The following SLC24A2 variants were observed in gnomAD, a reference collection of about 807,000 sequenced individuals.
SLC24A2 encodes the protein sodium/potassium/calcium exchanger 2.
A neutral mutation model predicts 62.0 loss-of-function variants in SLC24A2; 36 were observed. The ratio of observed to expected loss-of-function variants is 0.58; its 90% CI spans 0.44 to 0.77. SLC24A2 has a LOEUF of 0.77. Among genes scored for constraint, SLC24A2 ranks in the 30% least tolerant of loss-of-function variants. SLC24A2 has a pLI of 0.00. For synonymous variants in SLC24A2, 358 were observed against 294.0 expected (o/e 1.22, Z -2.23); for missense variants, 846 against 817.9 (o/e 1.03, Z -0.42).
chr9:19,984,631 A>G, the SLC24A2 span, among the ~76,000 whole-genome samples: 2 of 152,200 alleles, frequency 1.3e-5, no homozygotes, highest in East Asian at 3.8e-4. Flanking sequence ...TCTGGAACCC[A>G]GGAGGCAGAA....
the SLC24A2 span, among the ~76,000 whole-genome samples, chr9:20,237,878 G>C: frequency 6.6e-6 from 1 of 152,114 alleles, no homozygotes; most frequent in African/African-American, 2.4e-5. Flanking sequence ...CTAGTGTTGA[G>C]TCATCCATTT....
chr9:20,074,210 T>A, the SLC24A2 span, among the ~76,000 whole-genome samples: 1 of 152,014 alleles, frequency 6.6e-6, no homozygotes, highest in Non-Finnish European at 1.5e-5. Context: ...ATGCCAATAA[T>A]TTCCAGCAGG....
At chr9:20,297,772 A>C in the SLC24A2 span, among the ~76,000 whole-genome samples, 22 of 152,310 alleles carry the variant, frequency 1.4e-4, no homozygotes, top group Middle Eastern at 3.4e-3. Context: ...CCTCCCAACC[A>C]AACCTTTTTA....
At chr9:20,169,887 G>A in the SLC24A2 span, among the ~76,000 whole-genome samples, 1 of 151,968 alleles carries the variant, frequency 6.6e-6, no homozygotes, top group Non-Finnish European at 1.5e-5. Context: ...GGTAAAACAA[G>A]GAGGCACTAG....
the SLC24A2 span, among the ~76,000 whole-genome samples, chr9:20,085,197 C>A: frequency 0.014 from 2,174 of 152,210 alleles, 31 homozygotes; most frequent in South Asian, 0.063. Flanking sequence ...CATTATCTCC[C>A]TATGTTGCCC....
At chr9:20,116,958 T>G in the SLC24A2 span, among the ~76,000 whole-genome samples, 18 of 152,158 alleles carry the variant, frequency 1.2e-4, no homozygotes, top group African/African-American at 4.3e-4. Flanking sequence ...GCATACTAGC[T>G]TTCATCTTTT....
the SLC24A2 span, among the ~76,000 whole-genome samples, chr9:20,137,876 T>C: frequency 4.6e-5 from 7 of 152,278 alleles, no homozygotes; most frequent in South Asian, 1.5e-3. Context: ...TCACTCAATA[T>C]TGATGATAAC....
chr9:20,045,223 G>C, the SLC24A2 span, among the ~76,000 whole-genome samples: 1 of 152,162 alleles, frequency 6.6e-6, no homozygotes, highest in African/African-American at 2.4e-5. Context: ...TTGCAGCCTA[G>C]TGGGGAAGAC....
chr9:19,777,748 T>A (rs1342650354), intron 2 of SLC24A2, among the ~76,000 whole-genome samples: 1 of 152,172 alleles, frequency 6.6e-6, no homozygotes, highest in African/African-American at 2.4e-5. Flanking sequence ...TATGTGTATA[T>A]GAGAAGTTCA....
At chr9:19,959,022 A>T in the SLC24A2 span, among the ~76,000 whole-genome samples, 1 of 152,170 alleles carries the variant, frequency 6.6e-6, no homozygotes, top group Non-Finnish European at 1.5e-5. Context: ...AAGCTATAGC[A>T]ACCAGTGTTC....
At chr9:20,045,961 T>G in the SLC24A2 span, among the ~76,000 whole-genome samples, 1 of 152,094 alleles carries the variant, frequency 6.6e-6, no homozygotes, top group African/African-American at 2.4e-5. Flanking sequence ...GAACAACTAG[T>G]GCAAAGGACC....
At chr9:19,978,577 G>T in the SLC24A2 span, among the ~76,000 whole-genome samples, 1 of 151,642 alleles carries the variant, frequency 6.6e-6, no homozygotes, top group African/African-American at 2.4e-5. Flanking sequence ...AAAAATTCAA[G>T]GAAAGAAAAG....
the SLC24A2 span, among the ~76,000 whole-genome samples, chr9:19,911,902 CAT>C: frequency 6.6e-6 from 1 of 152,124 alleles, no homozygotes; most frequent in Non-Finnish European, 1.5e-5. Flanking sequence ...GTTAAACAAA[CAT>C]ATGTGGATAC....
chr9:19,524,789 T>C (rs1173744964), intron 9 of SLC24A2, among the ~76,000 whole-genome samples: 1 of 148,720 alleles, frequency 6.7e-6, no homozygotes, highest in African/African-American at 2.6e-5. Flanking sequence ...TGTGTTCCTT[T>C]TCTTTGAAAG....
chr9:19,551,904 G>C (rs889959867), intron 7 of SLC24A2, among the ~76,000 whole-genome samples: 2 of 152,140 alleles, frequency 1.3e-5, no homozygotes, highest in African/African-American at 4.8e-5. Flanking sequence ...TTAAAAAAGG[G>C]ATGCGAAGCC....
intron 2 of SLC24A2, among the ~76,000 whole-genome samples, chr9:19,628,137 C>T (rs916333325): frequency 2.6e-5 from 4 of 152,150 alleles, no homozygotes; most frequent in Non-Finnish European, 4.4e-5. Context: ...TCTTTGCCTT[C>T]CATGGTCCTT....
At chr9:20,209,281 T>A in the SLC24A2 span, among the ~76,000 whole-genome samples, 2 of 152,212 alleles carry the variant, frequency 1.3e-5, no homozygotes, top group East Asian at 3.8e-4. Flanking sequence ...AGGACACAGT[T>A]TCTGTAATGA....
At chr9:20,169,357 C>T in the SLC24A2 span, among the ~76,000 whole-genome samples, 1 of 152,122 alleles carries the variant, frequency 6.6e-6, no homozygotes, top group Non-Finnish European at 1.5e-5. Flanking sequence ...TGAACTTTTG[C>T]TCCAGGACTA....
chr9:19,636,230 C>T (rs1818307865), intron 2 of SLC24A2, among the ~76,000 whole-genome samples: 1 of 152,042 alleles, frequency 6.6e-6, no homozygotes, highest in South Asian at 2.1e-4. Context: ...TTTATAAATA[C>T]AAATACTATT....
Sources: allele counts gnomAD v4.1 joint callset (sites outside exome capture counted in the v4.1 genomes callset), GRCh38; gene constraint gnomAD v4.1.1; transcripts MANE v1.5; gene names NCBI Gene and HGNC (gene_info 2026-07-23, HGNC 2026-07-21).